SH3RF3: variants seen among roughly 807,000 people sequenced by gnomAD.
SH3RF3 encodes the protein E3 ubiquitin-protein ligase SH3RF3.
A neutral mutation model predicts 66.3 loss-of-function variants in SH3RF3; 29 were observed. The ratio of observed to expected loss-of-function variants is 0.44; its 90% CI spans 0.33 to 0.60. SH3RF3 has a LOEUF of 0.60. Among genes scored for constraint, SH3RF3 ranks in the 20% least tolerant of loss-of-function variants. The pLI, the probability that SH3RF3 is intolerant of heterozygous loss-of-function variation, is 0.04. For synonymous variants in SH3RF3, 583 were observed against 532.0 expected (o/e 1.10, Z -1.32); for missense variants, 1,194 against 1,190.9 (o/e 1.00, Z -0.04).
At chr2:109,240,118 G>A (rs2105216453) in intron 1 of SH3RF3, among the ~76,000 whole-genome samples, 1 of 152,272 alleles carries the variant, frequency 6.6e-6, no homozygotes, top group East Asian at 1.9e-4. Context: ...CCACACCTGG[G>A]GATTCTAGAC....
rs550882211 is a variant in SH3RF3, at chr2:109,419,815, T to C, written c.1403+173T>C. On this transcript the variant is annotated intron_variant, in intron 5 of 9. Coordinates refer to ENST00000309415, the MANE Select transcript of SH3RF3 (RefSeq NM_001099289.3). ...AGGGAGAGTGTGGAAGACAAAAGTC[T>C]AGCGGTTCCTTCTGATGTCGTTGTT... Among the ~76,000 whole-genome samples, 16 of 152,348 alleles carry C rather than the reference T, an allele frequency of 1.1e-4. No individual in the cohort carries two copies. The South Asian group carries it at 3.1e-3, about 30-fold the overall frequency.
chr2:109,196,545 G>A (rs1187660535), intron 1 of SH3RF3, among the ~76,000 whole-genome samples: 6 of 152,224 alleles, frequency 3.9e-5, no homozygotes, highest in Non-Finnish European at 1.5e-5. Flanking sequence ...TGAGAGGTCC[G>A]TGGGTTTGTC....
At chr2:109,485,511 A>G (rs999701480) in intron 8 of SH3RF3, among the ~76,000 whole-genome samples, 1 of 152,260 alleles carries the variant, frequency 6.6e-6, no homozygotes, top group Non-Finnish European at 1.5e-5. Context: ...ATGTTCTACT[A>G]AACAGTTAAG....
chr2:109,267,400 C>CGAA (rs1236558533), intron 1 of SH3RF3, among the ~76,000 whole-genome samples: 1 of 152,124 alleles, frequency 6.6e-6, no homozygotes, highest in African/African-American at 2.4e-5. Context: ...TGAGCTTGCC[C>CGAA]GAAGAAAGAA....
At chr2:109,285,619 T>C (rs1388770121) in intron 1 of SH3RF3, among the ~76,000 whole-genome samples, 1 of 152,210 alleles carries the variant, frequency 6.6e-6, no homozygotes, top group Non-Finnish European at 1.5e-5. Context: ...CTGTGCTCTG[T>C]GGGGAGCCTA....
At chr2:109,481,486 C>T (rs2104764209) in intron 8 of SH3RF3, among the ~76,000 whole-genome samples, 2 of 152,296 alleles carry the variant, frequency 1.3e-5, no homozygotes, top group Admixed American at 1.3e-4. Context: ...TATTTCAGGA[C>T]TTGGAGAACC....
chr2:109,419,531 G>T lies in SH3RF3; in HGVS notation c.1300-8G>T. On this transcript the variant is annotated splice_polypyrimidine_tract_variant and splice_region_variant and intron_variant, in intron 4 of 9. Transcript: ENST00000309415. ...TCCTCACTCCTGTCCCCTCTTGTCTGTTTCCAGGATGTCTCCTCCTCGGCG... is the reference window on the plus strand; with the variant it reads ...TCCTCACTCCTGTCCCCTCTTGTCTTTTTCCAGGATGTCTCCTCCTCGGCG... 1 of 1,586,864 alleles carries T rather than the reference G, an allele frequency of 6.3e-7. No homozygotes were observed. Among genetic ancestry groups the T allele is most frequent in the Non-Finnish European group, 8.6e-7 (1 of 1,167,040 alleles).
chr2:109,394,021 G>T (rs1573216350), intron 3 of SH3RF3, among the ~76,000 whole-genome samples: 2 of 152,268 alleles, frequency 1.3e-5, no homozygotes, highest in African/African-American at 2.4e-5. Context: ...ATGGCTCCAG[G>T]AGCTGCGGGG....
At chr2:109,374,298 C>T (rs112109973) in intron 3 of SH3RF3, among the ~76,000 whole-genome samples, 3,004 of 152,366 alleles carry the variant, frequency 0.02, 96 homozygotes, top group African/African-American at 0.061. Flanking sequence ...CTGGGCTCCA[C>T]GCCACACACC....
At chr2:109,412,207 C>T (rs1233444593) in intron 4 of SH3RF3, among the ~76,000 whole-genome samples, 1 of 152,288 alleles carries the variant, frequency 6.6e-6, no homozygotes, top group Non-Finnish European at 1.5e-5. Context: ...GCCTAGCCTT[C>T]AGCCTCTGCC....
intron 2 of SH3RF3, among the ~76,000 whole-genome samples, chr2:109,365,570 T>C (rs1273353729): frequency 6.6e-6 from 1 of 152,186 alleles, no homozygotes; most frequent in African/African-American, 2.4e-5. Flanking sequence ...CGTTCTAGAC[T>C]GGGAGCCGGA....
intron 1 of SH3RF3, among the ~76,000 whole-genome samples, chr2:109,184,723 T>C (rs1226245156): frequency 6.6e-6 from 1 of 152,180 alleles, no homozygotes; most frequent in Non-Finnish European, 1.5e-5. Context: ...GTGCCTCCTG[T>C]GAATGTGCAG....
intron 8 of SH3RF3, among the ~76,000 whole-genome samples, chr2:109,459,066 G>T (rs1322651475): frequency 6.6e-6 from 1 of 152,092 alleles, no homozygotes. Flanking sequence ...AAGAGTGCAT[G>T]CGCCCTTCCC....
At chr2:109,222,830 C>T (rs1679286106) in intron 1 of SH3RF3, among the ~76,000 whole-genome samples, 1 of 152,270 alleles carries the variant, frequency 6.6e-6, no homozygotes, top group Non-Finnish European at 1.5e-5. Context: ...GCACATTTTC[C>T]AGTTCTCAGC....
intron 1 of SH3RF3, among the ~76,000 whole-genome samples, chr2:109,343,152 C>T (rs1024863658): frequency 6.6e-6 from 1 of 152,082 alleles, no homozygotes; most frequent in African/African-American, 2.4e-5. Context: ...AGGTTGCTGC[C>T]GTGAAATCAG....
At chr2:109,433,668 C>T (rs1301123864) in intron 6 of SH3RF3, among the ~76,000 whole-genome samples, 1 of 152,166 alleles carries the variant, frequency 6.6e-6, no homozygotes, top group Non-Finnish European at 1.5e-5. Context: ...GGGACACATG[C>T]GGTGTTGACT....
chr2:109,377,255 C>T (rs1683410570), intron 3 of SH3RF3, among the ~76,000 whole-genome samples: 3 of 152,144 alleles, frequency 2.0e-5, no homozygotes, highest in African/African-American at 4.8e-5. Flanking sequence ...GCTGGACCTC[C>T]GTGGGCCAGC....
intron 1 of SH3RF3, among the ~76,000 whole-genome samples, chr2:109,259,601 G>A (rs1047665075): frequency 3.9e-5 from 6 of 152,220 alleles, no homozygotes; most frequent in African/African-American, 1.4e-4. Context: ...CCATGTTTGG[G>A]CGGCATGTTA....
intron 1 of SH3RF3, among the ~76,000 whole-genome samples, chr2:109,266,304 T>A (rs551648751): frequency 1.3e-5 from 2 of 151,588 alleles, no homozygotes; most frequent in East Asian, 3.9e-4. Flanking sequence ...GTGTATGTGT[T>A]GTGTGTGTGT....
Sources: gnomAD v4.1 joint callset for allele counts (sites outside exome capture counted in the v4.1 genomes callset) on GRCh38, gnomAD v4.1.1 for gene constraint, MANE v1.5 for transcripts, NCBI Gene and HGNC (gene_info 2026-07-23, HGNC 2026-07-21) for gene names.